TAF1C: variants seen among roughly 807,000 people sequenced by gnomAD.
TAF1C encodes TATA box-binding protein-associated factor RNA polymerase I subunit C.
A neutral mutation model predicts 70.5 loss-of-function variants in TAF1C; 79 were observed. That is an observed-to-expected ratio of 1.12 (90% CI 0.93 to 1.35). The LOEUF (loss-of-function observed/expected upper bound fraction) is 1.35. Ranked by LOEUF, TAF1C falls within the 40% of genes most tolerant of loss-of-function variation. The probability of loss-of-function intolerance (pLI) is 0.00; values close to 1 mark genes in which losing one functional copy is unlikely to be tolerated. For synonymous variants in TAF1C, 614 were observed against 491.1 expected, an observed-to-expected ratio of 1.25 and a Z score of -3.31; for missense variants, 1,412 against 1,127.8, an observed-to-expected ratio of 1.25 and a Z score of -3.61.
At chr16:84,179,887 G>A (rs761072682) in intron 14 of TAF1C, 36 bp from the exon 15 acceptor site, 87 of 1,609,112 alleles carry the variant, frequency 5.4e-5, no homozygotes, top group Non-Finnish European at 7.0e-5. Context: ...CCAGGGCCTA[G>A]CGGGGGGAGG....
In TAF1C at chr16:84,180,286, T is replaced by A; in HGVS notation, c.1367A>T (p.His456Leu). The change falls in exon 13 of 15, where the codon CAT becomes CTT. Residue 456 changes from histidine (H) to leucine (L), a missense_variant. Transcript: ENST00000566732. ...CAGCAGGAGCGGGGAGGGGAGGCCA[T>A]GGTTCCACTTCAGCATCGGCACCAG... ...LPLVPMLKWN[H>L]GLPSPLLLAR... 2.6e-6 allele frequency: 4 copies of A among 1,549,496 alleles called. No homozygotes were observed. Among genetic ancestry groups the A allele is most frequent in the Non-Finnish European group, 3.5e-6 (4 of 1,148,304 alleles).
intron 12 of TAF1C, chr16:84,180,706 G>A: frequency 1.0e-6 from 1 of 953,210 alleles, no homozygotes; most frequent in Non-Finnish European, 1.4e-6. Flanking sequence ...GAGGGCGGGT[G>A]GAGGACAGAC....
At position 84,181,760 on chromosome 16, in the gene TAF1C, C is replaced by T. The variant is rs546340057; in HGVS notation, c.942G>A (p.Thr314=). 130 of 1,613,994 alleles carry T rather than the reference C, an allele frequency of 8.1e-5. No homozygotes were observed. Among genetic ancestry groups the T allele is most frequent in the Non-Finnish European group, 1.1e-4 (126 of 1,179,986 alleles). Residue 314 remains threonine, a synonymous_variant, in exon 9 of 15, where the codon ACG becomes ACA. Transcript: ENST00000566732. ...ACCCCCCTCACCTGAGGCTGATCCCCGTGGCCCCTTTCTCCACCTGCATTG... is the reference window on the plus strand; with the variant it reads ...ACCCCCCTCACCTGAGGCTGATCCCTGTGGCCCCTTTCTCCACCTGCATTG... ...LQAMQVEKGA[T]GISLSPHLPG...
rs1394255167 is a variant in TAF1C, at chr16:84,179,651, C to T, written c.1822G>A (p.Ala608Thr). ...GCCTTCAGCCACTGGCTGCAGCCGG[C>T]AGTGTCCTGGGAGGTCCAGGAAGCT... ...PTASWTSQDT[A>T]GCSQWLKALL... is the part of the protein sequence containing the mutation. The change falls in exon 15 of 15, where the codon GCC becomes ACC. Residue 608 changes from alanine (A) to threonine (T), a missense_variant. Ala to Thr is a moderately conservative substitution (Grantham distance 58). Coordinates refer to ENST00000566732, the MANE Select transcript of TAF1C (RefSeq NM_001243156.2). 6.2e-7 allele frequency: 1 copy of T among 1,612,594 alleles called. No homozygotes were observed.
chr16:84,178,290 A>G lies in TAF1C; in HGVS notation c.*651T>C, dbSNP rs1377530339. 1 of 456,044 alleles carries G rather than the reference A, an allele frequency of 2.2e-6. No homozygotes were observed. Among genetic ancestry groups the G allele is most frequent in the Non-Finnish European group, 4.4e-6 (1 of 226,582 alleles). The allele number at this position is 456,044 out of a possible 1,614,324, so 28.2% of individuals were successfully genotyped here. A position where few individuals can be genotyped will look rare whatever the true frequency, so the allele number is the denominator to read the frequency against. On this transcript the variant is annotated 3_prime_UTR_variant, in exon 15 of 15. Coordinates refer to ENST00000566732, the MANE Select transcript of TAF1C (RefSeq NM_001243156.2). The stretch of plus-strand genomic sequence containing the variant: ...AGACCCATGTCCCAAGGGAGAAGGA[A>G]CATCAGCCATCATCTCTCTGCATGA...
Position 84,178,982 on chromosome 16 carries a change from T to C in TAF1C, c.2491A>G (p.Ser831Gly). 1 of 1,610,934 alleles carries C rather than the reference T, an allele frequency of 6.2e-7. No individual in the cohort carries two copies. Among genetic ancestry groups the C allele is most frequent in the Non-Finnish European group, 8.5e-7 (1 of 1,179,904 alleles). Reference sequence around the variant, plus strand: ...GGCTTCTTCCGGAGGGGCTGAGAGCTAGAGAGGACGGGTGTGTGCTGCTGG... The same window carrying C: ...GGCTTCTTCCGGAGGGGCTGAGAGCCAGAGAGGACGGGTGTGTGCTGCTGG... ...RSQQHTPVLSSSQPLRKKPRM... is the reference protein window; with the variant it reads ...RSQQHTPVLSGSQPLRKKPRM... The change falls in exon 15 of 15, where the codon AGC (serine) becomes GGC (glycine). Residue 831 changes from serine to glycine, a missense_variant. By Grantham distance (56) the Ser-to-Gly change is moderately conservative. Coordinates refer to ENST00000566732, the MANE Select transcript of TAF1C (RefSeq NM_001243156.2).
rs4150172 is a variant in TAF1C at position 84,179,779 on chromosome 16, G to A, written c.1694C>T (p.Ala565Val). ...PGLVLFQLSA[A>V]GDVFYQQLRP... ...GAGCTGCTGGTAGAAGACATCTCCC[G>A]CCGCCGAGAGCTGGAAGAGCACCAG... The change falls in exon 15 of 15, where the codon GCG becomes GTG. Residue 565 changes from alanine to valine, a missense_variant. Physicochemically the swap from Ala to Val is moderately conservative, Grantham distance 64. Coordinates refer to ENST00000566732, the MANE Select transcript of TAF1C (RefSeq NM_001243156.2). 3.7e-6 allele frequency: 6 copies of A among 1,609,224 alleles called. No individual in the cohort carries two copies. The highest frequency in any genetic ancestry group is 1.7e-5 in the Admixed American group (1 of 59,432).
At chr16:84,180,478 G>A (rs1364915094) in intron 12 of TAF1C, 134 bp from the exon 13 acceptor site, 7 of 933,820 alleles carry the variant, frequency 7.5e-6, no homozygotes, top group Admixed American at 6.4e-5. Context: ...CAGCCTCCAC[G>A]TGCCTCTCAG....
In TAF1C at chr16:84,179,798, G is replaced by C. The variant is rs1597536047; in HGVS notation, c.1675C>G (p.Leu559Val). The C allele has an allele frequency of 6.2e-7, 1 of 1,610,358 alleles. No individual in the cohort carries two copies. The highest frequency in any genetic ancestry group is 8.5e-7 in the Non-Finnish European group (1 of 1,178,932). Residue 559 changes from leucine to valine, a missense_variant, in exon 15 of 15, where the codon CTC (leucine) becomes GTC (valine). Transcript: ENST00000566732. ...LPSAPTPGLV[L>V]FQLSAAGDVF... is the part of the protein sequence containing the mutation. ...TCTCCCGCCGCCGAGAGCTGGAAGA[G>C]CACCAGGCCTGGTGTGGGCGCTGAG... is the stretch of plus-strand genomic sequence containing the variant.
chr16:84,179,014 G>A lies in TAF1C; in HGVS notation c.2459C>T (p.Thr820Ile). ...PHSQASSVRA[T>I]RSQQHTPVLS... ...GACGGGTGTGTGCTGCTGGGAGCGAGTGGCCCGGACGCTGGAGGCCTGGGA... is the reference window on the plus strand; with the variant it reads ...GACGGGTGTGTGCTGCTGGGAGCGAATGGCCCGGACGCTGGAGGCCTGGGA... The change falls in exon 15 of 15, where the codon ACT (threonine) becomes ATT (isoleucine). Residue 820 changes from threonine to isoleucine, a missense_variant. By Grantham distance (89) the Thr-to-Ile change is moderately conservative. Transcript: ENST00000566732. 2.5e-6 allele frequency: 4 copies of A among 1,610,830 alleles called. No homozygotes were observed. Among genetic ancestry groups the A allele is most frequent in the Non-Finnish European group, 2.5e-6 (3 of 1,179,978 alleles).
At position 84,179,338 on chromosome 16, in the gene TAF1C, C is replaced by T. The variant is rs1204084296; in HGVS notation, c.2135G>A (p.Gly712Asp). ...RGAAWWERQQ[G>D]RTSEPGRQTR... ...CTGTCTCCCGGGCTCCGAGGTCCTG[C>T]CCTGCTGCCTCTCCCACCAGGCAGC... The change falls in exon 15 of 15, where the codon GGC becomes GAC. Residue 712 changes from glycine to aspartate, a missense_variant. Coordinates refer to ENST00000566732, the MANE Select transcript of TAF1C (RefSeq NM_001243156.2). 1 of 1,601,346 alleles carries T rather than the reference C, an allele frequency of 6.2e-7. No individual in the cohort carries two copies. Among genetic ancestry groups the T allele is most frequent in the African/African-American group, 1.3e-5 (1 of 75,028 alleles).
chr16:84,181,844 A>C lies in TAF1C; in HGVS notation c.858T>G (p.Ser286=). ...VQGETLLAVR[S]DYHCAVWKFG... ...ACTTCCACACGGCACAGTGGTAGTC[A>C]GAGCGGACGGCCAGCAGAGCTGAGG... The change falls in exon 9 of 15, where the codon TCT becomes TCG. Residue 286 remains serine (S), a synonymous_variant. Coordinates refer to ENST00000566732, the MANE Select transcript of TAF1C (RefSeq NM_001243156.2). 1.9e-6 allele frequency: 3 copies of C among 1,614,204 alleles called. No individual in the cohort carries two copies. Among genetic ancestry groups the C allele is most frequent in the Non-Finnish European group, 2.5e-6 (3 of 1,180,022 alleles).
rs745416764 is a variant in TAF1C, at chr16:84,181,142, C to T, written c.1209G>A (p.Glu403=). Reference sequence around the variant, plus strand: ...CACGTTCCCCTTTCTGGCACGAAGCCTCTGCCCCCAAACGAAAAAGCAACA... The same window carrying T: ...CACGTTCCCCTTTCTGGCACGAAGCTTCTGCCCCCAAACGAAAAAGCAACA... The part of the protein sequence containing the change: ...CGLLLFRLGA[E]ASCQKGERVL... The change falls in exon 12 of 15, where the codon GAG becomes GAA. Residue 403 remains glutamate, a synonymous_variant. Coordinates refer to ENST00000566732, the MANE Select transcript of TAF1C (RefSeq NM_001243156.2). The T allele has an allele frequency of 6.2e-7, 1 of 1,612,400 alleles. No individual in the cohort carries two copies. The highest frequency in any genetic ancestry group is 1.7e-5 in the Admixed American group (1 of 59,974).
rs1260266212 is a variant in TAF1C at position 84,178,723 on chromosome 16, A to G, written c.*218T>C. The G allele has an allele frequency of 1.2e-5, 7 of 596,736 alleles. No individual in the cohort carries two copies. Among genetic ancestry groups the G allele is most frequent in the African/African-American group, 1.9e-5 (1 of 53,800 alleles). The allele number at this position is 596,736 out of a possible 1,614,324, so 37.0% of individuals were successfully genotyped here. ...CGGCACCTCCAGCCTGCCTTGCGGGATGATCTTCAGGCGAATATACAAAAT... is the reference window on the plus strand; with the variant it reads ...CGGCACCTCCAGCCTGCCTTGCGGGGTGATCTTCAGGCGAATATACAAAAT... On this transcript the variant is annotated 3_prime_UTR_variant, in exon 15 of 15. Coordinates refer to ENST00000566732, the MANE Select transcript of TAF1C (RefSeq NM_001243156.2).
In TAF1C at chr16:84,179,762, G is replaced by A. The variant is rs1411660567; in HGVS notation, c.1711C>T (p.Gln571Ter). 2 of 1,610,026 alleles carry A rather than the reference G, an allele frequency of 1.2e-6. No individual in the cohort carries two copies. The highest frequency in any genetic ancestry group is 8.5e-7 in the Non-Finnish European group (1 of 1,178,954). ...QLSAAGDVFY[Q>*]QLRPQVDSSL... ...GAGTCCACCTGGGGGCGGAGCTGCT[G>A]GTAGAAGACATCTCCCGCCGCCGAG... Residue 571 changes from glutamine (Q) to a stop codon, truncating the protein, a stop_gained, in exon 15 of 15, where the codon CAG becomes TAG. Transcript: ENST00000566732. LOFTEE classifies it low-confidence loss of function (END_TRUNC).
rs941372837 is a variant in TAF1C, at chr16:84,183,545, A to G, written c.221-38T>C. 5.1e-6 allele frequency: 8 copies of G among 1,582,860 alleles called. No homozygotes were observed. The African/African-American group carries it at 1.1e-4, about 21-fold the overall frequency. ...TTACGGAAAGGGCTGGGGAGGGCAC[A>G]GGAGTGCGGCCAGATGCCCTGGGCG... On this transcript the variant is annotated intron_variant, in intron 3 of 14. Coordinates refer to ENST00000566732, the MANE Select transcript of TAF1C (RefSeq NM_001243156.2).
Position 84,178,959 on chromosome 16 carries a change from C to A in TAF1C, c.2514G>T (p.Lys838Asn), listed in dbSNP as rs772391209. 3.1e-6 allele frequency: 5 copies of A among 1,608,628 alleles called. No individual in the cohort carries two copies. The highest frequency in any genetic ancestry group is 4.2e-6 in the Non-Finnish European group (5 of 1,178,662). Residue 838 changes from lysine (K) to asparagine (N), a missense_variant, in exon 15 of 15, where the codon AAG becomes AAT. Coordinates refer to ENST00000566732, the MANE Select transcript of TAF1C (RefSeq NM_001243156.2). ...TGTGTCCTCAGAAGCCCATTCGAGG[C>A]TTCTTCCGGAGGGGCTGAGAGCTAG... ...VLSSSQPLRK[K>N]PRMGF
chr16:84,184,832 C>T lies in TAF1C; in HGVS notation c.138+19G>A. On this transcript the variant is annotated intron_variant, in intron 2 of 14. Transcript: ENST00000566732. ...GGGATGTCCCTGGAGCTGCCAGGGC[C>T]CCCTGCCTGCATCCTCACCTCTGAG... 6.3e-7 allele frequency: 1 copy of T among 1,586,660 alleles called. No individual in the cohort carries two copies. The highest frequency in any genetic ancestry group is 1.7e-4 in the Middle Eastern group (1 of 6,018).
Position 84,186,969 on chromosome 16 carries a change from C to T in TAF1C, c.-141G>A, listed in dbSNP as rs984771115. The T allele has an allele frequency of 2.0e-5, 3 of 152,392 alleles. No individual in the cohort carries two copies. Among genetic ancestry groups the T allele is most frequent in the East Asian group, 1.9e-4 (1 of 5,182 alleles). 9.4% of individuals were successfully genotyped at this position (152,392 alleles called of 1,614,324 possible). A position where few individuals can be genotyped will look rare whatever the true frequency, so the allele number is the denominator to read the frequency against. On this transcript the variant is annotated 5_prime_UTR_variant, in exon 1 of 15. Transcript: ENST00000566732. ...CGTGATGCTCGCCGGACCCTGGCAC[C>T]ACGAGGGAAATCTCAAGTAGAACCC...
Sources: allele counts gnomAD v4.1 joint callset, GRCh38; gene constraint gnomAD v4.1.1; transcripts MANE v1.5; gene names NCBI Gene and HGNC (gene_info 2026-07-23, HGNC 2026-07-21).